The following NTM variants were observed in gnomAD, a reference collection of about 807,000 sequenced individuals.
The protein encoded by NTM is neurotrimin, also known as IgLON family member 2.
NTM carries 13 observed loss-of-function variants against 42.1 expected under a neutral mutation model. That is an observed-to-expected ratio of 0.31 (90% CI 0.20 to 0.49). The LOEUF is 0.49. Ranked by LOEUF, NTM falls within the 20% of genes least tolerant of loss-of-function variation. NTM has a pLI of 0.99. For synonymous variants in NTM, 187 were observed against 179.2 expected (o/e 1.04, Z -0.35); for missense variants, 373 against 452.8 (o/e 0.82, Z 1.60).
chr11:131,645,892 A>G (rs1468669249), intron 1 of NTM, among the ~76,000 whole-genome samples: 1 of 152,196 alleles, frequency 6.6e-6, no homozygotes, highest in Non-Finnish European at 1.5e-5. Context: ...ACCATTAGAA[A>G]CGTTCATGAC....
At chr11:131,464,206 C>G (rs1202432019) in intron 1 of NTM, among the ~76,000 whole-genome samples, 2 of 152,034 alleles carry the variant, frequency 1.3e-5, no homozygotes, top group East Asian at 3.9e-4. Context: ...CAAAGCAAGT[C>G]CCTGGAGACC....
chr11:132,070,025 C>T (rs1490973438), intron 2 of NTM, among the ~76,000 whole-genome samples: 2 of 138,584 alleles, frequency 1.4e-5, no homozygotes, highest in Admixed American at 7.3e-5. Context: ...TAAGTTAACA[C>T]GTCAAACTGA....
At chr11:131,841,371 T>A (rs1025274827) in intron 1 of NTM, among the ~76,000 whole-genome samples, 3 of 152,162 alleles carry the variant, frequency 2.0e-5, no homozygotes, top group Non-Finnish European at 2.9e-5. Context: ...ATTTATTAAA[T>A]GTTCAGCACT....
intron 4 of NTM, among the ~76,000 whole-genome samples, chr11:132,270,109 A>G (rs1038680482): frequency 1.3e-5 from 2 of 152,186 alleles, no homozygotes; most frequent in African/African-American, 2.4e-5. Context: ...TTTTATTCAT[A>G]TGAGATCATA....
chr11:131,946,215 G>A (rs995547111), intron 2 of NTM, among the ~76,000 whole-genome samples: 3 of 148,336 alleles, frequency 2.0e-5, no homozygotes, highest in Non-Finnish European at 4.4e-5. Context: ...GGGGAGACGT[G>A]GGGGAATGGA....
chr11:132,238,777 A>C (rs1198867079), intron 4 of NTM, among the ~76,000 whole-genome samples: 3 of 152,130 alleles, frequency 2.0e-5, no homozygotes, highest in Non-Finnish European at 2.9e-5. Flanking sequence ...GCATAAAGTC[A>C]CCTGAGGACT....
At chr11:131,758,133 T>C (rs780708548) in intron 1 of NTM, among the ~76,000 whole-genome samples, 2 of 152,206 alleles carry the variant, frequency 1.3e-5, no homozygotes, top group Non-Finnish European at 2.9e-5. Context: ...CAACAGAGAC[T>C]ATTTTAGTCA....
rs533205016 is a variant in NTM at position 131,671,992 on chromosome 11, C to T, written c.83-239572C>T. On this transcript the variant is annotated intron_variant, in intron 1 of 8. Coordinates refer to ENST00000683400, the MANE Select transcript of NTM (RefSeq NM_001352005.2). ...TGGCTGCCCCCTGGCTGCACCGCCT[C>T]TCAGCAGCAGATGGCCAGGGGCCCG... Among the ~76,000 whole-genome samples the T allele has an allele frequency of 1.1e-4, 16 of 152,344 alleles. No individual in the cohort carries two copies. The East Asian group carries it at 2.7e-3, about 26-fold the overall frequency.
chr11:131,973,742 G>C (rs1014728801), intron 2 of NTM, among the ~76,000 whole-genome samples: 16 of 152,192 alleles, frequency 1.1e-4, no homozygotes, highest in African/African-American at 3.4e-4. Flanking sequence ...GCTTGAACCC[G>C]GGAGGCAGAG....
At chr11:131,821,541 G>A (rs1406757605) in intron 1 of NTM, among the ~76,000 whole-genome samples, 1 of 152,208 alleles carries the variant, frequency 6.6e-6, no homozygotes, top group Non-Finnish European at 1.5e-5. Flanking sequence ...CTCAGATGCT[G>A]TCTCCTCATC....
chr11:131,526,599 T>C (rs553998522), intron 1 of NTM, among the ~76,000 whole-genome samples: 19 of 152,336 alleles, frequency 1.2e-4, no homozygotes, highest in African/African-American at 4.1e-4. Context: ...GAGGCAGCTC[T>C]AATCCTTGTG....
chr11:131,654,688 G>A (rs952816760), intron 1 of NTM, among the ~76,000 whole-genome samples: 8 of 151,924 alleles, frequency 5.3e-5, no homozygotes, highest in Non-Finnish European at 1.0e-4. Flanking sequence ...CTGTTAGTTC[G>A]CCTGAGATCT....
chr11:132,037,518 G>T (rs778793789), intron 2 of NTM, among the ~76,000 whole-genome samples: 17 of 152,168 alleles, frequency 1.1e-4, no homozygotes, highest in Admixed American at 2.6e-4. Flanking sequence ...CATCGTCTGT[G>T]ACTCCATGAT....
intron 1 of NTM, among the ~76,000 whole-genome samples, chr11:131,570,834 A>G (rs2057377358): frequency 6.6e-6 from 1 of 152,270 alleles, no homozygotes; most frequent in South Asian, 2.1e-4. Flanking sequence ...AAGTAGATAA[A>G]TAAATACAAA....
At chr11:131,712,282 C>G (rs896166243) in intron 1 of NTM, among the ~76,000 whole-genome samples, 38 of 151,586 alleles carry the variant, frequency 2.5e-4, no homozygotes, top group African/African-American at 8.7e-4. Context: ...TGTCTTTTCT[C>G]TTTACAATGC....
At chr11:132,108,857 T>C (rs1300794888) in intron 2 of NTM, among the ~76,000 whole-genome samples, 2 of 152,106 alleles carry the variant, frequency 1.3e-5, no homozygotes, top group Non-Finnish European at 2.9e-5. Context: ...TTACCCCCAC[T>C]CACCAGCCCC....
At chr11:132,201,274 G>A (rs2081115949) in intron 3 of NTM, among the ~76,000 whole-genome samples, 2 of 152,186 alleles carry the variant, frequency 1.3e-5, no homozygotes, top group Admixed American at 6.5e-5. Context: ...TTTGGAGATT[G>A]TGGAAAAAGT....
chr11:131,816,119 T>G (rs2092941692), intron 1 of NTM, among the ~76,000 whole-genome samples: 1 of 152,246 alleles, frequency 6.6e-6, no homozygotes, highest in South Asian at 2.1e-4. Context: ...ATTCTGCCTT[T>G]TTTGATTATG....
chr11:131,591,336 T>C (rs560346851), intron 1 of NTM, among the ~76,000 whole-genome samples: 1 of 152,242 alleles, frequency 6.6e-6, no homozygotes, highest in South Asian at 2.1e-4. Flanking sequence ...AGACAAGCTG[T>C]GCTGTGCTCA....
Sources: allele counts gnomAD v4.1 joint callset (sites outside exome capture counted in the v4.1 genomes callset), GRCh38; gene constraint gnomAD v4.1.1; transcripts MANE v1.5; gene names NCBI Gene and HGNC (gene_info 2026-07-23, HGNC 2026-07-21).